UTRN: variants seen among roughly 807,000 people sequenced by gnomAD.
UTRN encodes dystrophin-related protein 1.
Under a neutral mutation model 463.9 loss-of-function variants are expected in UTRN, and 283 were observed. The observed-to-expected ratio is 0.61, with a 90% CI of 0.55 to 0.67. UTRN has a LOEUF of 0.67. UTRN is among the 30% of genes least tolerant of loss of function. The pLI, the probability that UTRN is intolerant of heterozygous loss-of-function variation, is 0.00. For synonymous variants in UTRN, 1,442 were observed against 1,431.5 expected (o/e 1.01, Z -0.17); for missense variants, 3,922 against 4,084.3 (o/e 0.96, Z 1.08).
In UTRN at chr6:144,741,642, G is replaced by C. The variant is rs779276998; in HGVS notation, c.7940-6604G>C. The stretch of plus-strand genomic sequence containing the variant: ...ATGTCCAGCCCAAAGGAATTCACTT[G>C]AATAAATCGCAAAACTGCCACTACT... On this transcript the variant is annotated intron_variant, in intron 54 of 74. Transcript: ENST00000367545. Among the ~76,000 whole-genome samples, 3 of 152,218 alleles carry C rather than the reference G, an allele frequency of 2.0e-5. No homozygotes were observed. The South Asian group carries it at 6.2e-4, about 32-fold the overall frequency.
chr6:144,338,844 T>A (rs147122018), intron 2 of UTRN, among the ~76,000 whole-genome samples: 2 of 152,326 alleles, frequency 1.3e-5, no homozygotes, highest in Non-Finnish European at 2.9e-5. Flanking sequence ...GTGTTTTATT[T>A]GTAGTTCATT....
chr6:144,423,492 TAGTC>T, intron 4 of UTRN, 53 bp from the exon 5 acceptor site: 1 of 1,531,710 alleles, frequency 6.5e-7, no homozygotes. Flanking sequence ...GTGCTAGTGT[TAGTC>T]AGGCATATGG....
chr6:144,507,369 A>AT (rs1364672852), intron 34 of UTRN, among the ~76,000 whole-genome samples: 1 of 151,784 alleles, frequency 6.6e-6, no homozygotes, highest in Non-Finnish European at 1.5e-5. Flanking sequence ...AATTTACAGC[A>AT]TTTTTGCGCT....
At chr6:144,703,284 T>C (rs1784768682) in intron 53 of UTRN, among the ~76,000 whole-genome samples, 1 of 152,144 alleles carries the variant, frequency 6.6e-6, no homozygotes, top group Non-Finnish European at 1.5e-5. Context: ...GAAGGAAATG[T>C]AAGAGCTCGA....
intron 61 of UTRN, among the ~76,000 whole-genome samples, chr6:144,783,452 A>G (rs534643604): frequency 1.2e-4 from 19 of 152,310 alleles, no homozygotes; most frequent in African/African-American, 4.3e-4. Context: ...TTTAGTTTAC[A>G]TGTAATAACT....
At chr6:144,518,933 A>C (rs1018740218) in intron 39 of UTRN, among the ~76,000 whole-genome samples, 9 of 152,152 alleles carry the variant, frequency 5.9e-5, no homozygotes, top group Non-Finnish European at 1.3e-4. Context: ...ACAGTGCCCA[A>C]ATCTAATTCC....
chr6:144,778,605 CTAATAA>C (rs146368466), intron 60 of UTRN, among the ~76,000 whole-genome samples: 8 of 148,726 alleles, frequency 5.4e-5, no homozygotes, highest in Admixed American at 2.0e-4. Context: ...AGGGGAAATG[CTAATAA>C]TAATAATAAT....
Position 144,447,585 on chromosome 6 carries a change from A to C in UTRN, c.1723-17A>C. 1 of 1,609,794 alleles carries C rather than the reference A, an allele frequency of 6.2e-7. No individual in the cohort carries two copies. Among genetic ancestry groups the C allele is most frequent in the Non-Finnish European group, 8.5e-7 (1 of 1,179,072 alleles). ...TCCTGTTAAAAAGAGTCATCTAATA[A>C]ATATCTGAAATACTAGATTTTGAAG... is the stretch of plus-strand genomic sequence containing the variant. On this transcript the variant is annotated splice_polypyrimidine_tract_variant and intron_variant, in intron 15 of 74. Transcript: ENST00000367545.
chr6:144,551,166 C>CAA (rs1798878720), intron 48 of UTRN, 84 bp downstream of exon 48: 1 of 778,092 alleles, frequency 1.3e-6, no homozygotes, highest in Non-Finnish European at 2.0e-6. Context: ...CACACACACA[C>CAA]ACAAACACAT....
At chr6:144,635,504 C>CTTTTTTTTTTTTTTTTTTTT (rs200118539) in intron 51 of UTRN, among the ~76,000 whole-genome samples, 1 of 47,996 alleles carries the variant, frequency 2.1e-5, no homozygotes, top group African/African-American at 6.7e-5. Context: ...AGCAGCTAGC[C>CTTTTTTTTTTTTTTTTTTTT]TTTTTTTTTC....
intron 62 of UTRN, among the ~76,000 whole-genome samples, chr6:144,793,451 G>T (rs1776937038): frequency 6.6e-6 from 1 of 151,842 alleles, no homozygotes; most frequent in Non-Finnish European, 1.5e-5. Context: ...CTTTGTTTTG[G>T]CTCATTCTTT....
At chr6:144,416,921 C>G (rs1784407879) in intron 3 of UTRN, among the ~76,000 whole-genome samples, 1 of 152,190 alleles carries the variant, frequency 6.6e-6, no homozygotes, top group Non-Finnish European at 1.5e-5. Context: ...CAACTGTATT[C>G]TCTTTGTCAG....
In UTRN at chr6:144,577,221, A is replaced by T; in HGVS notation, c.7412A>T (p.Asp2471Val). 6.2e-7 allele frequency: 1 copy of T among 1,613,986 alleles called. No individual in the cohort carries two copies. The highest frequency in any genetic ancestry group is 8.5e-7 in the Non-Finnish European group (1 of 1,179,924). The change falls in exon 51 of 75, where the codon GAT becomes GTT. Residue 2471 changes from aspartate (D) to valine (V), a missense_variant. Asp to Val is a radical substitution (Grantham distance 152). Transcript: ENST00000367545. ...GAGACCACAGTGAATGTGCTTGTGG[A>T]TGCCTCTCATCGGGAGAATGCTCTT... is the stretch of plus-strand genomic sequence containing the variant. ...EAETTVNVLV[D>V]ASHRENALQD...
chr6:144,548,222 T>A (rs1798579661), intron 46 of UTRN, among the ~76,000 whole-genome samples: 1 of 152,178 alleles, frequency 6.6e-6, no homozygotes. Context: ...AATATGGGTA[T>A]AGGTTATTAC....
rs748285972 is a variant in UTRN at position 144,435,886 on chromosome 6, C to G, written c.856-49C>G. 10 of 1,593,162 alleles carry G rather than the reference C, an allele frequency of 6.3e-6. No homozygotes were observed. In the South Asian group the frequency reaches 1.1e-4, roughly 18 times the overall value. On this transcript the variant is annotated intron_variant, in intron 9 of 74. Coordinates refer to ENST00000367545, the MANE Select transcript of UTRN (RefSeq NM_007124.3). ...CATACAGTGTGAGTTTGCTGAACAC[C>G]TCTTGCTTTGATGATTAGTGTGGGT...
intron 35 of UTRN, among the ~76,000 whole-genome samples, chr6:144,511,727 GTA>G (rs775237684): frequency 4.5e-4 from 68 of 152,044 alleles, no homozygotes; most frequent in Non-Finnish European, 9.0e-4. Flanking sequence ...ATTAAATATT[GTA>G]TATGTGTTAG....
chr6:144,576,614 G>A (rs1011391209), intron 50 of UTRN, among the ~76,000 whole-genome samples: 12 of 151,996 alleles, frequency 7.9e-5, no homozygotes, highest in African/African-American at 2.4e-4. Context: ...ACTGACTGTA[G>A]GAGTATTTGT....
intron 52 of UTRN, among the ~76,000 whole-genome samples, chr6:144,692,640 TC>T (rs1783550763): frequency 2.6e-5 from 4 of 152,050 alleles, no homozygotes; most frequent in Non-Finnish European, 4.4e-5. Context: ...TCTCTAATGA[TC>T]AGTGATGTTG....
Position 144,376,958 on chromosome 6 carries a change from C to T in UTRN, c.80-26165C>T, listed in dbSNP as rs376056119. 2.3e-4 allele frequency among the ~76,000 whole-genome samples: 35 copies of T among 152,178 alleles called. No individual in the cohort carries two copies. In the East Asian group the frequency reaches 4.4e-3, roughly 19 times the overall value. On this transcript the variant is annotated intron_variant, in intron 2 of 74. Transcript: ENST00000367545. Reference sequence around the variant, plus strand: ...TTAGAAAAATATGCACCCTGTTTGTCACAATAAATGGAGTGACCAAAGCTA... The same window carrying T: ...TTAGAAAAATATGCACCCTGTTTGTTACAATAAATGGAGTGACCAAAGCTA...
Sources: gnomAD v4.1 joint callset for allele counts (sites outside exome capture counted in the v4.1 genomes callset) on GRCh38, gnomAD v4.1.1 for gene constraint, MANE v1.5 for transcripts, NCBI Gene and HGNC (gene_info 2026-07-23, HGNC 2026-07-21) for gene names.